The following PCDH9 variants were observed in gnomAD, a reference collection of about 807,000 sequenced individuals.
The protein encoded by PCDH9 is protocadherin-9.
A neutral mutation model predicts 70.6 loss-of-function variants in PCDH9; 24 were observed. The observed-to-expected ratio is 0.34, with a 90% CI of 0.25 to 0.48. PCDH9 has a LOEUF of 0.48. PCDH9 is among the 20% of genes least tolerant of loss of function. The pLI is 0.99. For missense variants in PCDH9, 1,281 were observed against 1,503.6 expected (o/e 0.85, Z 2.45); for synonymous variants, 562 against 558.5 (o/e 1.01, Z -0.09).
At chr13:66,429,863 G>C (rs534071102) in intron 4 of PCDH9, among the ~76,000 whole-genome samples, 1 of 152,058 alleles carries the variant, frequency 6.6e-6, no homozygotes, top group Non-Finnish European at 1.5e-5. Context: ...TGGTGATCTT[G>C]ATCGTACTTA....
chr13:66,969,242 T>C (rs1183164094), intron 2 of PCDH9, among the ~76,000 whole-genome samples: 3 of 152,056 alleles, frequency 2.0e-5, no homozygotes, highest in African/African-American at 7.2e-5. Context: ...TACTTTGTTA[T>C]GAATCAGTGT....
intron 3 of PCDH9, among the ~76,000 whole-genome samples, chr13:66,897,220 G>GGGAGGGAGGGAAGAAAGGAAA (rs1181516499): frequency 2.6e-5 from 4 of 151,866 alleles, no homozygotes; most frequent in Admixed American, 6.6e-5. Flanking sequence ...AAGAAAAGAA[G>GGGAGGGAGGGAAGAAAGGAAA]GGAGGGAGGG....
At chr13:66,618,507 T>C (rs1001425599) in intron 4 of PCDH9, among the ~76,000 whole-genome samples, 1 of 152,190 alleles carries the variant, frequency 6.6e-6, no homozygotes, top group East Asian at 1.9e-4. Context: ...GGTGCATATG[T>C]ATGTTTGTAT....
chr13:67,094,087 A>G (rs2086273090), intron 2 of PCDH9, among the ~76,000 whole-genome samples: 1 of 152,156 alleles, frequency 6.6e-6, no homozygotes, highest in South Asian at 2.1e-4. Context: ...GTATTAAGTC[A>G]TAGGAAATTG....
At chr13:66,490,234 T>G (rs1253611309) in intron 4 of PCDH9, among the ~76,000 whole-genome samples, 3 of 152,216 alleles carry the variant, frequency 2.0e-5, no homozygotes, top group African/African-American at 7.2e-5. Flanking sequence ...TGTCCTTTGC[T>G]TAAGGCCACC....
At chr13:67,096,193 C>T (rs1594506100) in intron 2 of PCDH9, among the ~76,000 whole-genome samples, 2 of 152,040 alleles carry the variant, frequency 1.3e-5, no homozygotes, top group East Asian at 3.9e-4. Context: ...CAAGATAAAT[C>T]GTGTGTATGT....
intron 2 of PCDH9, among the ~76,000 whole-genome samples, chr13:67,086,142 A>C (rs1228960284): frequency 1.3e-5 from 2 of 152,186 alleles, no homozygotes; most frequent in African/African-American, 4.8e-5. Flanking sequence ...AGAATCTAAA[A>C]AGATTTTATT....
intron 2 of PCDH9, among the ~76,000 whole-genome samples, chr13:66,913,171 TTC>T (rs1271194440): frequency 6.6e-6 from 1 of 152,084 alleles, no homozygotes; most frequent in East Asian, 1.9e-4. Flanking sequence ...TTTACTATGC[TTC>T]TCTTACTGTG....
intron 4 of PCDH9, among the ~76,000 whole-genome samples, chr13:66,406,318 A>G (rs1232053459): frequency 6.6e-6 from 1 of 152,174 alleles, no homozygotes; most frequent in African/African-American, 2.4e-5. Context: ...CAGCGATGAA[A>G]CAAGATAACT....
intron 4 of PCDH9, among the ~76,000 whole-genome samples, chr13:66,371,197 G>A (rs530831953): frequency 2.0e-5 from 3 of 152,076 alleles, no homozygotes; most frequent in African/African-American, 4.8e-5. Flanking sequence ...TTTCATGATC[G>A]CATTTTCCCT....
intron 2 of PCDH9, among the ~76,000 whole-genome samples, chr13:66,960,704 A>G (rs1382165916): frequency 6.6e-6 from 1 of 152,206 alleles, no homozygotes; most frequent in Non-Finnish European, 1.5e-5. Flanking sequence ...AACATAAAAT[A>G]GTAGCAATTC....
At chr13:66,597,206 C>T (rs1406440939) in intron 4 of PCDH9, among the ~76,000 whole-genome samples, 2 of 151,550 alleles carry the variant, frequency 1.3e-5, no homozygotes, top group Non-Finnish European at 3.0e-5. Context: ...GATCTGCAGA[C>T]CCAGAGCAAT....
At chr13:66,555,551 T>C (rs1961695700) in intron 4 of PCDH9, among the ~76,000 whole-genome samples, 1 of 152,130 alleles carries the variant, frequency 6.6e-6, no homozygotes, top group African/African-American at 2.4e-5. Context: ...ATAGTTAAAT[T>C]TGTTGTACTA....
At chr13:66,636,850 A>G (rs1230354982) in intron 3 of PCDH9, among the ~76,000 whole-genome samples, 2 of 152,102 alleles carry the variant, frequency 1.3e-5, no homozygotes, top group Non-Finnish European at 2.9e-5. Context: ...TTTTATATTC[A>G]AACATGTTTT....
At position 66,359,780 on chromosome 13, in the gene PCDH9, A is replaced by G. The variant is rs191397967; in HGVS notation, c.3341-54752T>C. 1.7e-4 allele frequency among the ~76,000 whole-genome samples: 26 copies of G among 152,206 alleles called. No individual in the cohort carries two copies. In the East Asian group the frequency reaches 4.6e-3, roughly 27 times the overall value. On this transcript the variant is annotated intron_variant, in intron 4 of 4. Coordinates refer to ENST00000377865, the MANE Select transcript of PCDH9 (RefSeq NM_203487.3). ...AGGGCCGTCTTTAGAAATTATTTCT[A>G]AGCTTAACCATTCAGTTTATTCATT... is the stretch of plus-strand genomic sequence containing the variant.
chr13:67,064,975 A>G (rs1173980850), intron 2 of PCDH9, among the ~76,000 whole-genome samples: 1 of 152,188 alleles, frequency 6.6e-6, no homozygotes, highest in Non-Finnish European at 1.5e-5. Flanking sequence ...ATTTATACAT[A>G]TATCTCCAAA....
intron 3 of PCDH9, among the ~76,000 whole-genome samples, chr13:66,711,025 G>A (rs1383431873): frequency 2.0e-5 from 3 of 152,024 alleles, no homozygotes; most frequent in Non-Finnish European, 4.4e-5. Context: ...TATATTCACA[G>A]ATATTTGAGA....
At chr13:66,391,220 A>G (rs778809365) in intron 4 of PCDH9, among the ~76,000 whole-genome samples, 1 of 152,330 alleles carries the variant, frequency 6.6e-6, no homozygotes, top group Middle Eastern at 3.4e-3. Context: ...CCACAATTTC[A>G]AGAGAATTGT....
chr13:66,918,282 C>T (rs770201411), intron 2 of PCDH9, among the ~76,000 whole-genome samples: 1 of 150,962 alleles, frequency 6.6e-6, no homozygotes, highest in Non-Finnish European at 1.5e-5. Context: ...ATCATTTTGC[C>T]TCCATTTTAG....
Sources: gnomAD v4.1 joint callset for allele counts (sites outside exome capture counted in the v4.1 genomes callset) on GRCh38, gnomAD v4.1.1 for gene constraint, MANE v1.5 for transcripts, NCBI Gene and HGNC (gene_info 2026-07-23, HGNC 2026-07-21) for gene names.